RORA: variants seen among roughly 807,000 people sequenced by gnomAD.
The protein encoded by RORA is RAR related orphan receptor A.
Under a neutral mutation model 69.5 loss-of-function variants are expected in RORA, and 7 were observed. The ratio of observed to expected loss-of-function variants is 0.10; its 90% CI spans 0.06 to 0.19. The LOEUF (loss-of-function observed/expected upper bound fraction) is 0.19. Ranked by LOEUF, RORA falls within the 10% of genes least tolerant of loss-of-function variation. The pLI, the probability that RORA is intolerant of heterozygous loss-of-function variation, is 1.00. For synonymous variants in RORA, 261 were observed against 240.8 expected (o/e 1.08, Z -0.78); for missense variants, 457 against 663.0 (o/e 0.69, Z 3.41).
chr15:60,592,605 A>C, intron 2 of RORA: 1 of 1,182,736 alleles, frequency 8.5e-7, no homozygotes, highest in Non-Finnish European at 1.0e-6. Flanking sequence ...CTCTGTTTAC[A>C]CCGCGCCCCT....
chr15:60,855,246 T>C (rs2073366834), intron 1 of RORA, among the ~76,000 whole-genome samples: 1 of 152,200 alleles, frequency 6.6e-6, no homozygotes, highest in African/African-American at 2.4e-5. Flanking sequence ...GCCTTTCATG[T>C]TGCAAACTAG....
chr15:60,765,978 T>G (rs1044590367), intron 1 of RORA, among the ~76,000 whole-genome samples: 2 of 152,178 alleles, frequency 1.3e-5, no homozygotes, highest in Non-Finnish European at 2.9e-5. Flanking sequence ...GCTCATCCTT[T>G]CCTTCTTAAA....
intron 1 of RORA, among the ~76,000 whole-genome samples, chr15:60,792,930 A>G (rs547842995): frequency 3.3e-5 from 5 of 152,264 alleles, no homozygotes; most frequent in Admixed American, 6.5e-5. Context: ...TTTGCCCTAT[A>G]GTAAATGACA....
At chr15:61,125,156 T>G (rs1272614459) in intron 1 of RORA, among the ~76,000 whole-genome samples, 1 of 152,226 alleles carries the variant, frequency 6.6e-6, no homozygotes, top group Non-Finnish European at 1.5e-5. Flanking sequence ...AAATGTCATA[T>G]TTTACATCTA....
chr15:60,514,518 G>T, intron 4 of RORA, 98 bp downstream of exon 4: 3 of 1,175,286 alleles, frequency 2.6e-6, no homozygotes, highest in South Asian at 1.4e-5. Flanking sequence ...TAATGAGGAG[G>T]GGGCAGGCGG....
At chr15:60,580,678 C>G (rs187782626) in intron 2 of RORA, among the ~76,000 whole-genome samples, 5 of 152,340 alleles carry the variant, frequency 3.3e-5, no homozygotes, top group South Asian at 4.1e-4. Context: ...GCAAAAATCA[C>G]TATGCATTCA....
chr15:61,011,744 G>C (rs1357538028), intron 1 of RORA, among the ~76,000 whole-genome samples: 1 of 152,230 alleles, frequency 6.6e-6, no homozygotes, highest in African/African-American at 2.4e-5. Context: ...ATTTATGAGG[G>C]TTTAGCCCTC....
intron 2 of RORA, among the ~76,000 whole-genome samples, chr15:60,587,038 C>A (rs1426511359): frequency 6.6e-6 from 1 of 152,156 alleles, no homozygotes; most frequent in African/African-American, 2.4e-5. Context: ...TACACAAAGT[C>A]ATATTAAAAT....
chr15:61,120,305 C>T (rs2079090305), intron 1 of RORA, among the ~76,000 whole-genome samples: 1 of 152,152 alleles, frequency 6.6e-6, no homozygotes, highest in South Asian at 2.1e-4. Flanking sequence ...CCAGACCAAT[C>T]AAATCAGAAT....
chr15:61,105,069 G>T (rs1285786560), intron 1 of RORA, among the ~76,000 whole-genome samples: 1 of 145,612 alleles, frequency 6.9e-6, no homozygotes, highest in African/African-American at 2.6e-5. Context: ...ACCCAGTCTT[G>T]GGTATGTCTT....
At chr15:60,723,377 TC>T (rs147824435) in intron 1 of RORA, among the ~76,000 whole-genome samples, 170 of 146,848 alleles carry the variant, frequency 1.2e-3, no homozygotes, top group African/African-American at 4.0e-3. Context: ...TCAAAACCAT[TC>T]CCCCCCCCAC....
chr15:61,228,254 C>T (rs1213338956), intron 1 of RORA, among the ~76,000 whole-genome samples: 1 of 152,206 alleles, frequency 6.6e-6, no homozygotes, highest in Non-Finnish European at 1.5e-5. Flanking sequence ...TGGAGCGCCC[C>T]ACAGGACCGC....
chr15:61,006,272 AT>A (rs145723085), intron 1 of RORA, among the ~76,000 whole-genome samples: 178 of 149,484 alleles, frequency 1.2e-3, no homozygotes, highest in African/African-American at 3.5e-3. Context: ...CGGCCGTAAT[AT>A]TTTTTTTTTA....
chr15:60,743,931 G>A (rs2071612713), intron 1 of RORA, among the ~76,000 whole-genome samples: 1 of 152,114 alleles, frequency 6.6e-6, no homozygotes. Flanking sequence ...TGAAGGAGAA[G>A]AATAAAAAGA....
chr15:61,099,688 T>C (rs2078849297), intron 1 of RORA, among the ~76,000 whole-genome samples: 1 of 152,244 alleles, frequency 6.6e-6, no homozygotes. Flanking sequence ...GCCATTTTTA[T>C]TTCCAGCAAG....
At chr15:60,673,759 C>A (rs1483636474) in intron 2 of RORA, among the ~76,000 whole-genome samples, 1 of 152,170 alleles carries the variant, frequency 6.6e-6, no homozygotes, top group Non-Finnish European at 1.5e-5. Context: ...TATCTTGTCT[C>A]CCTCTAGTCT....
intron 1 of RORA, among the ~76,000 whole-genome samples, chr15:60,809,008 T>C (rs1360613763): frequency 6.6e-6 from 1 of 152,050 alleles, no homozygotes; most frequent in Non-Finnish European, 1.5e-5. Context: ...CATTGGACTT[T>C]GGAGACTCAG....
intron 1 of RORA, among the ~76,000 whole-genome samples, chr15:61,146,595 T>C (rs942600745): frequency 6.6e-6 from 1 of 152,206 alleles, no homozygotes; most frequent in South Asian, 2.1e-4. Context: ...CACTAGATAA[T>C]GCACTCTGCT....
At chr15:61,118,992 G>A (rs2079075398) in intron 1 of RORA, among the ~76,000 whole-genome samples, 1 of 151,640 alleles carries the variant, frequency 6.6e-6, no homozygotes, top group Admixed American at 6.6e-5. Flanking sequence ...AAATAAAAAA[G>A]GAATGCGTGA....
Sources: gnomAD v4.1 joint callset for allele counts (sites outside exome capture counted in the v4.1 genomes callset) on GRCh38, gnomAD v4.1.1 for gene constraint, MANE v1.5 for transcripts, NCBI Gene and HGNC (gene_info 2026-07-23, HGNC 2026-07-21) for gene names.